CTNNA2: variants seen among roughly 807,000 people sequenced by gnomAD.
The protein encoded by CTNNA2 is catenin alpha-2.
In CTNNA2, 42 loss-of-function variants were observed where a neutral mutation model predicts 101.0. The ratio of observed to expected loss-of-function variants is 0.42; its 90% CI spans 0.32 to 0.54. The LOEUF is 0.54. Ranked by LOEUF, CTNNA2 falls within the 20% of genes least tolerant of loss-of-function variation. The probability of loss-of-function intolerance (pLI) is 0.14; values close to 1 mark genes in which losing one functional copy is unlikely to be tolerated. For synonymous variants in CTNNA2, 450 were observed against 456.4 expected, an observed-to-expected ratio of 0.99 and a Z score of 0.18; for missense variants, 871 against 1,223.1, an observed-to-expected ratio of 0.71 and a Z score of 4.29.
At chr2:80,317,597 A>G (rs310785) in intron 7 of CTNNA2, among the ~76,000 whole-genome samples, 152,168 of 152,254 alleles carry the variant, frequency 1, 76,041 homozygotes, top group Middle Eastern at 1. Flanking sequence ...AACAAGAGGC[A>G]GGATGGGGCA....
intron 9 of CTNNA2, among the ~76,000 whole-genome samples, chr2:80,445,176 TTTTA>T (rs1485675755): frequency 2.0e-5 from 3 of 152,132 alleles, no homozygotes; most frequent in South Asian, 2.1e-4. Flanking sequence ...TGTTTTTAAT[TTTTA>T]TTTATTTATT....
At chr2:80,306,404 C>CTT in intron 7 of CTNNA2, among the ~76,000 whole-genome samples, 1 of 59,846 alleles carries the variant, frequency 1.7e-5, no homozygotes, top group Non-Finnish European at 3.8e-5. Context: ...CTTTTCTTTT[C>CTT]TTTCTTTCTT....
intron 7 of CTNNA2, among the ~76,000 whole-genome samples, chr2:80,357,410 T>C (rs984885134): frequency 2.0e-5 from 3 of 152,120 alleles, no homozygotes; most frequent in Non-Finnish European, 4.4e-5. Flanking sequence ...TTTACATTCA[T>C]AGTGCCCCTC....
chr2:79,947,868 A>G (rs1688610657), intron 7 of CTNNA2, among the ~76,000 whole-genome samples: 1 of 152,126 alleles, frequency 6.6e-6, no homozygotes, highest in African/African-American at 2.4e-5. Context: ...GAAAGAGGTA[A>G]TGTTTGCTAT....
At chr2:79,889,684 A>G (rs998818107) in intron 6 of CTNNA2, among the ~76,000 whole-genome samples, 2 of 152,232 alleles carry the variant, frequency 1.3e-5, no homozygotes, top group African/African-American at 4.8e-5. Flanking sequence ...ACTCATAAAT[A>G]CTAGTTTTCT....
intron 7 of CTNNA2, among the ~76,000 whole-genome samples, chr2:80,095,944 C>CA (rs956125851): frequency 6.6e-6 from 1 of 151,986 alleles, no homozygotes; most frequent in African/African-American, 2.4e-5. Context: ...TTGATCTTTT[C>CA]AAAAAACCAG....
At chr2:80,126,796 A>G (rs6746624) in intron 7 of CTNNA2, among the ~76,000 whole-genome samples, 28,564 of 151,860 alleles carry the variant, frequency 0.19, 3,024 homozygotes, top group South Asian at 0.36. Flanking sequence ...TTTAATCTCA[A>G]CTACCCTTGT....
At chr2:80,617,546 C>A (rs903349581) in intron 17 of CTNNA2, among the ~76,000 whole-genome samples, 2 of 151,642 alleles carry the variant, frequency 1.3e-5, no homozygotes, top group Non-Finnish European at 3.0e-5. Context: ...GGCAAAACAC[C>A]CATCTTTTTA....
chr2:80,644,169 C>T (rs1375534020), intron 18 of CTNNA2, among the ~76,000 whole-genome samples: 2 of 152,124 alleles, frequency 1.3e-5, no homozygotes, highest in African/African-American at 4.8e-5. Context: ...TTGCCAATGA[C>T]TGCAGGGACA....
intron 7 of CTNNA2, among the ~76,000 whole-genome samples, chr2:80,182,895 C>T (rs1017963975): frequency 2.0e-5 from 3 of 152,110 alleles, no homozygotes; most frequent in Non-Finnish European, 4.4e-5. Flanking sequence ...AAGGGCAAGG[C>T]GTTGACCCAA....
At chr2:79,830,040 A>C (rs373910319) in intron 3 of CTNNA2, among the ~76,000 whole-genome samples, 239 of 152,264 alleles carry the variant, frequency 1.6e-3, no homozygotes, top group Middle Eastern at 0.014. Flanking sequence ...AATTCAGGAC[A>C]AGTTTATTTA....
intron 3 of CTNNA2, among the ~76,000 whole-genome samples, chr2:79,317,479 C>A (rs1447082022): frequency 2.0e-5 from 3 of 151,978 alleles, no homozygotes; most frequent in Non-Finnish European, 4.4e-5. Flanking sequence ...AATATAAGCT[C>A]ATTTGAGTAA....
intron 2 of CTNNA2, among the ~76,000 whole-genome samples, chr2:79,212,101 G>A (rs912792103): frequency 1.2e-4 from 18 of 152,174 alleles, no homozygotes; most frequent in East Asian, 5.8e-4. Flanking sequence ...GCCTAAGGAG[G>A]TTCAGCATAG....
At chr2:80,393,397 T>C in intron 8 of CTNNA2, 106 bp downstream of exon 8, 1 of 781,168 alleles carries the variant, frequency 1.3e-6, no homozygotes, top group Non-Finnish European at 2.1e-6. Context: ...GTTGTTATTC[T>C]TTATAACATT....
chr2:80,386,947 C>T (rs1156849449), intron 7 of CTNNA2, among the ~76,000 whole-genome samples: 2 of 152,064 alleles, frequency 1.3e-5, no homozygotes, highest in African/African-American at 4.8e-5. Context: ...GATTTATATT[C>T]CCAGGGCTTC....
intron 2 of CTNNA2, among the ~76,000 whole-genome samples, chr2:79,261,023 T>C (rs1045416394): frequency 1.3e-5 from 2 of 152,200 alleles, no homozygotes; most frequent in Non-Finnish European, 2.9e-5. Context: ...CACATGTTGA[T>C]AGTAGGACTG....
intron 5 of CTNNA2, among the ~76,000 whole-genome samples, chr2:79,871,580 C>T (rs1318253866): frequency 1.3e-5 from 2 of 152,128 alleles, no homozygotes; most frequent in African/African-American, 2.4e-5. Context: ...TTTGTTCTGT[C>T]GTTGCCCCCA....
intron 7 of CTNNA2, among the ~76,000 whole-genome samples, chr2:80,112,213 T>C (rs1169206721): frequency 1.3e-5 from 2 of 152,188 alleles, no homozygotes; most frequent in African/African-American, 4.8e-5. Flanking sequence ...CAGAGATTTG[T>C]TTTTACATTT....
At chr2:79,990,029 A>G (rs1423350624) in intron 7 of CTNNA2, among the ~76,000 whole-genome samples, 1 of 152,218 alleles carries the variant, frequency 6.6e-6, no homozygotes, top group African/African-American at 2.4e-5. Flanking sequence ...CCCTAAGAAT[A>G]AGATTCTTCT....
Sources: gnomAD v4.1 joint callset for allele counts (sites outside exome capture counted in the v4.1 genomes callset) on GRCh38, gnomAD v4.1.1 for gene constraint, MANE v1.5 for transcripts, NCBI Gene and HGNC (gene_info 2026-07-23, HGNC 2026-07-21) for gene names.